The following ADAMTS17 variants were observed in gnomAD, a reference collection of about 807,000 sequenced individuals.
ADAMTS17 encodes ADAM metallopeptidase with thrombospondin type 1 motif 17, also known as A disintegrin and metalloproteinase with thrombospondin motifs 17.
In ADAMTS17, 113 loss-of-function variants were observed where a neutral mutation model predicts 141.5. That is an observed-to-expected ratio of 0.80 (90% CI 0.69 to 0.93). The LOEUF (loss-of-function observed/expected upper bound fraction) is 0.93. ADAMTS17 is among the 40% of genes least tolerant of loss of function. The pLI, the probability that ADAMTS17 is intolerant of heterozygous loss-of-function variation, is 0.00. For synonymous variants in ADAMTS17, 768 were observed against 630.6 expected, an observed-to-expected ratio of 1.22 and a Z score of -3.27; for missense variants, 1,659 against 1,517.9, an observed-to-expected ratio of 1.09 and a Z score of -1.54.
At chr15:100,265,188 G>A in intron 4 of ADAMTS17, among the ~76,000 whole-genome samples, 1 of 152,192 alleles carries the variant, frequency 6.6e-6, no homozygotes, top group East Asian at 1.9e-4. Flanking sequence ...AGAGCACAGG[G>A]CAAGGCGCAC....
At chr15:100,067,818 A>C (rs2141699249) in intron 15 of ADAMTS17, among the ~76,000 whole-genome samples, 1 of 152,270 alleles carries the variant, frequency 6.6e-6, no homozygotes, top group South Asian at 2.1e-4. Flanking sequence ...TACAGCTCCC[A>C]GTGTGAGTGA....
At chr15:100,142,314 G>C (rs1230029303) in intron 10 of ADAMTS17, among the ~76,000 whole-genome samples, 2 of 152,170 alleles carry the variant, frequency 1.3e-5, no homozygotes, top group Non-Finnish European at 2.9e-5. Flanking sequence ...TGGAGACTGG[G>C]ATTTTGCCCA....
intron 7 of ADAMTS17, among the ~76,000 whole-genome samples, chr15:100,203,888 A>C: frequency 6.7e-6 from 1 of 149,984 alleles, no homozygotes; most frequent in African/African-American, 2.5e-5. Flanking sequence ...ACAGACCAAG[A>C]CTCTGTCTCA....
At chr15:100,145,158 C>T (rs1365494976) in intron 10 of ADAMTS17, among the ~76,000 whole-genome samples, 1 of 152,108 alleles carries the variant, frequency 6.6e-6, no homozygotes, top group East Asian at 1.9e-4. Context: ...AACTGCTGCC[C>T]CATTAATGCT....
At chr15:100,081,426 T>C (rs752547421) in intron 15 of ADAMTS17, among the ~76,000 whole-genome samples, 75 of 152,218 alleles carry the variant, frequency 4.9e-4, no homozygotes, top group Non-Finnish European at 7.9e-4. Context: ...GTATCTCCTC[T>C]ACAGAACCCT....
chr15:100,323,075 A>C (rs1430603684), intron 3 of ADAMTS17, among the ~76,000 whole-genome samples: 1 of 108,846 alleles, frequency 9.2e-6, no homozygotes, highest in African/African-American at 3.6e-5. Context: ...AGACAGCGAG[A>C]CTCCGTCTCA....
intron 8 of ADAMTS17, among the ~76,000 whole-genome samples, chr15:100,188,370 C>T (rs1160543466): frequency 1.3e-5 from 2 of 151,666 alleles, no homozygotes. Flanking sequence ...AGCTACCACG[C>T]CCGGCCACGA....
intron 3 of ADAMTS17, among the ~76,000 whole-genome samples, chr15:100,285,845 T>C (rs1274913902): frequency 3.3e-5 from 5 of 152,084 alleles, no homozygotes; most frequent in African/African-American, 1.2e-4. Context: ...CTTACCAAGA[T>C]CTTCTAGGTG....
chr15:99,985,929 A>G (rs2060575611), intron 20 of ADAMTS17, among the ~76,000 whole-genome samples: 1 of 152,178 alleles, frequency 6.6e-6, no homozygotes, highest in Non-Finnish European at 1.5e-5. Flanking sequence ...GGCTGTCTGG[A>G]TCCCACAGTG....
At chr15:100,026,035 A>G (rs1196675563) in intron 18 of ADAMTS17, among the ~76,000 whole-genome samples, 2 of 152,236 alleles carry the variant, frequency 1.3e-5, no homozygotes, top group Non-Finnish European at 2.9e-5. Flanking sequence ...AAGAAAAGGA[A>G]CATTACCAGA....
chr15:100,196,299 AG>A (rs2041113097), intron 8 of ADAMTS17, among the ~76,000 whole-genome samples: 1 of 152,274 alleles, frequency 6.6e-6, no homozygotes, highest in Non-Finnish European at 1.5e-5. Context: ...TCCAGGATGT[AG>A]ATGAGTTAAT....
intron 20 of ADAMTS17, among the ~76,000 whole-genome samples, chr15:99,987,008 G>C (rs2060602630): frequency 6.6e-6 from 1 of 152,202 alleles, no homozygotes; most frequent in Non-Finnish European, 1.5e-5. Flanking sequence ...CCAAGGTCAG[G>C]ATGAGGGCTA....
Position 100,331,177 on chromosome 15 carries a change from C to A in ADAMTS17, c.451-123G>T, listed in dbSNP as rs2046042792. 2.4e-6 allele frequency: 3 copies of A among 1,249,894 alleles called. No individual in the cohort carries two copies. The East Asian group carries it at 7.6e-5, about 32-fold the overall frequency. 77.4% of individuals were successfully genotyped at this position (1,249,894 alleles called of 1,614,324 possible). On this transcript the variant is annotated intron_variant, in intron 2 of 21. Transcript: ENST00000268070. ...TGGTTTTCCAGGTCTGGGCTCGTTT[C>A]TTTGCAGATTGGTCAGATTTACCTG...
intron 3 of ADAMTS17, among the ~76,000 whole-genome samples, chr15:100,292,908 A>G (rs1269429127): frequency 3.9e-5 from 6 of 152,232 alleles, no homozygotes; most frequent in Non-Finnish European, 7.3e-5. Context: ...AATATTCTCC[A>G]AACACCAACT....
In ADAMTS17 at chr15:100,239,429, AGCAAC is replaced by A. The variant is rs1296242391; in HGVS notation, c.1075+14702_1075+14706del. On this transcript the variant is annotated intron_variant, in intron 7 of 21. Coordinates refer to ENST00000268070, the MANE Select transcript of ADAMTS17 (RefSeq NM_139057.4). Reference sequence around the variant, plus strand: ...GGATACCGCAGTCGACCCTGCTGAAAGCAACGCTCTTCAGCTCTCCAAGGCTAAGG... The same window carrying A: ...GGATACCGCAGTCGACCCTGCTGAAAGCTCTTCAGCTCTCCAAGGCTAAGG... Among the ~76,000 whole-genome samples the A allele has an allele frequency of 2.0e-5, 3 of 152,188 alleles. No individual in the cohort carries two copies. The East Asian group carries it at 5.8e-4, about 29-fold the overall frequency.
intron 2 of ADAMTS17, among the ~76,000 whole-genome samples, chr15:100,340,791 C>T (rs1378376859): frequency 2.0e-5 from 3 of 152,228 alleles, no homozygotes; most frequent in Admixed American, 2.0e-4. Flanking sequence ...CACGCAACCC[C>T]AGCTCCGCGC....
At chr15:100,134,995 G>C (rs2038251210) in intron 10 of ADAMTS17, among the ~76,000 whole-genome samples, 1 of 152,190 alleles carries the variant, frequency 6.6e-6, no homozygotes, top group Non-Finnish European at 1.5e-5. Context: ...CTTTGAGACT[G>C]TGGTGTCTGT....
Position 99,982,669 on chromosome 15 carries a change from A to G in ADAMTS17, c.2950-6447T>C, listed in dbSNP as rs757784857. ...CCAAGCAAACAGATCTATAAAAAAC[A>G]TATCTGGTCTTGTTTGGTCCTTTTG... On this transcript the variant is annotated intron_variant, in intron 20 of 21. Coordinates refer to ENST00000268070, the MANE Select transcript of ADAMTS17 (RefSeq NM_139057.4). 2.6e-5 allele frequency among the ~76,000 whole-genome samples: 4 copies of G among 152,246 alleles called. No individual in the cohort carries two copies. In the South Asian group the frequency reaches 6.2e-4, roughly 24 times the overall value.
At chr15:100,099,898 C>G (rs8042396) in intron 14 of ADAMTS17, among the ~76,000 whole-genome samples, 97,185 of 151,882 alleles carry the variant, frequency 0.64, 31,522 homozygotes, top group African/African-American at 0.74. Flanking sequence ...TGGACAGTGG[C>G]AAATGTCCAT....
Sources: gnomAD v4.1 joint callset for allele counts (sites outside exome capture counted in the v4.1 genomes callset) on GRCh38, gnomAD v4.1.1 for gene constraint, MANE v1.5 for transcripts, NCBI Gene and HGNC (gene_info 2026-07-23, HGNC 2026-07-21) for gene names.